Variants in CERS1 observed in about 807,000 individuals in gnomAD.
The protein encoded by CERS1 is ceramide synthase 1.
A neutral mutation model predicts 35.7 loss-of-function variants in CERS1; 16 were observed. That is an observed-to-expected ratio of 0.45 (90% CI 0.30 to 0.68). The LOEUF (loss-of-function observed/expected upper bound fraction) is 0.68. CERS1 is among the 30% of genes least tolerant of loss of function. CERS1 has a pLI of 0.08. For synonymous variants in CERS1, 243 were observed against 201.6 expected, an observed-to-expected ratio of 1.21 and a Z score of -1.74; for missense variants, 454 against 453.9, an observed-to-expected ratio of 1.00 and a Z score of 0.00.
rs368072339 is a variant in CERS1 at position 18,879,306 on chromosome 19, G to C, written c.835C>G (p.Pro279Ala). The change falls in exon 5 of 8, where the codon CCC becomes GCC. Residue 279 changes from proline to alanine, a missense_variant. Physicochemically the swap from Pro to Ala is conservative, Grantham distance 27. Transcript: ENST00000623882. ...HCSLRTVPDIPFYFFFNALLL... is the reference protein window; with the variant it reads ...HCSLRTVPDIAFYFFFNALLL... ...AGCGCATTGAAGAAGAAGTAGAAGG[G>C]GATGTCAGGCACCGTGCGCAGACTG... 49 of 1,612,698 alleles carry C rather than the reference G, an allele frequency of 3.0e-5. No individual in the cohort carries two copies. The Admixed American group carries it at 8.2e-4, about 27-fold the overall frequency.
intron 6 of CERS1, among the ~76,000 whole-genome samples, chr19:18,872,348 CTT>C (rs922807659): frequency 1.3e-5 from 2 of 152,040 alleles, no homozygotes; most frequent in Non-Finnish European, 2.9e-5. Context: ...ATCTTTTTTT[CTT>C]GTTTTGTTTT....
At chr19:18,875,874 G>A (rs996462087) in intron 6 of CERS1, among the ~76,000 whole-genome samples, 9 of 152,202 alleles carry the variant, frequency 5.9e-5, no homozygotes, top group Admixed American at 3.3e-4. Flanking sequence ...GCCACCAGAA[G>A]CCCAAGAGGC....
rs1001474711 is a variant in CERS1, at chr19:18,870,859, GC to G, written c.1011-241del. On this transcript the variant is annotated intron_variant, in intron 6 of 7. Coordinates refer to ENST00000623882, the MANE Select transcript of CERS1 (RefSeq NM_021267.5). The surrounding 1 kb of genome is among the most constrained non-coding windows in gnomAD (Gnocchi z 5.1). Reference sequence around the variant, plus strand: ...CCTGGCACCCTGGCACTTCCTCCTTGCTTCCCCCTCTCCAATTAAACCTTCC... The same window carrying G: ...CCTGGCACCCTGGCACTTCCTCCTTGTTCCCCCTCTCCAATTAAACCTTCC... Among the ~76,000 whole-genome samples the G allele has an allele frequency of 2.0e-5, 3 of 151,102 alleles. No individual in the cohort carries two copies. Among genetic ancestry groups the G allele is most frequent in the Non-Finnish European group, 4.4e-5 (3 of 67,860 alleles).
chr19:18,879,255 G>C lies in CERS1; in HGVS notation c.886C>G (p.Leu296Val). The C allele has an allele frequency of 6.2e-7, 1 of 1,613,664 alleles. No homozygotes were observed. The highest frequency in any genetic ancestry group is 8.5e-7 in the Non-Finnish European group (1 of 1,179,788). Residue 296 changes from leucine to valine, a missense_variant, in exon 5 of 8, where the codon CTC becomes GTC. Transcript: ENST00000623882. ...GGCCGACTCACCAGGAACCAGTAGA[G>C]GTTCATAAGGGTGAGCAGCAGCAGG... ...ALLLLLTLMN[L>V]YWFLYIVAFA...
Position 18,895,866 on chromosome 19 carries a change from GC to G in CERS1, c.206del (p.Gly69AlafsTer226). On this transcript the variant is annotated frameshift_variant, in exon 1 of 8. Coordinates refer to ENST00000623882, the MANE Select transcript of CERS1 (RefSeq NM_021267.5). LOFTEE classifies it high-confidence loss of function. This position sits in a 1 kb window ranked among gnomAD's most constrained non-coding sequence, Gnocchi z 6.4. ...ELLLLALGAL[G>X]WTALRSAATA... ...TGGCCGCGGAGCGCAGGGCGGTCCA[GC>G]CCAGCGCGCCGAGCGCCAGCAGCAG... The G allele has an allele frequency of 7.8e-7, 1 of 1,288,210 alleles. No individual in the cohort carries two copies. The highest frequency in any genetic ancestry group is 2.1e-5 in the South Asian group (1 of 48,404). The allele number at this position is 1,288,210 out of a possible 1,614,324, so 79.8% of individuals were successfully genotyped here. A position where few individuals can be genotyped will look rare whatever the true frequency, so the allele number is the denominator to read the frequency against.
chr19:18,882,307 G>A (rs2056230900), intron 3 of CERS1, among the ~76,000 whole-genome samples: 1 of 152,122 alleles, frequency 6.6e-6, no homozygotes, highest in Non-Finnish European at 1.5e-5. Flanking sequence ...GGCTTGTGTG[G>A]CTGAGGAATG....
Position 18,877,125 on chromosome 19 carries a change from G to A in CERS1, c.1010+1805C>T, listed in dbSNP as rs544846791. Among the ~76,000 whole-genome samples, 3 of 152,330 alleles carry A rather than the reference G, an allele frequency of 2.0e-5. No individual in the cohort carries two copies. In the South Asian group the frequency reaches 6.2e-4, roughly 32 times the overall value. On this transcript the variant is annotated intron_variant, in intron 6 of 7. Coordinates refer to ENST00000623882, the MANE Select transcript of CERS1 (RefSeq NM_021267.5). ...TGGAGAATCGAATTCTGCTGGTGGT[G>A]CCTATGGGATCAATCATCACAGGGT...
rs1226787944 is a variant in CERS1 at position 18,878,004 on chromosome 19, C to T, written c.1010+926G>A. 5.0e-5 allele frequency: 49 copies of T among 985,414 alleles called. No individual in the cohort carries two copies. Among genetic ancestry groups the T allele is most frequent in the Non-Finnish European group, 5.9e-5 (49 of 829,988 alleles). 61.0% of individuals were successfully genotyped at this position (985,414 alleles called of 1,614,324 possible). On this transcript the variant is annotated intron_variant, in intron 6 of 7. Coordinates refer to ENST00000623882, the MANE Select transcript of CERS1 (RefSeq NM_021267.5). The surrounding 1 kb of genome is among the most constrained non-coding windows in gnomAD (Gnocchi z 4.6). ...TCCAAACAGGGTGGGGGGTCTGACGCTCCTCTGCCTGGCTACAGCCCCGGA... is the reference window on the plus strand; with the variant it reads ...TCCAAACAGGGTGGGGGGTCTGACGTTCCTCTGCCTGGCTACAGCCCCGGA...
At chr19:18,887,090 G>A (rs1002323738) in intron 2 of CERS1, among the ~76,000 whole-genome samples, 2 of 152,200 alleles carry the variant, frequency 1.3e-5, no homozygotes, top group African/African-American at 4.8e-5. Flanking sequence ...ACAACCAAAA[G>A]GCAGACACAA....
In CERS1 at chr19:18,893,569, C is replaced by T; in HGVS notation, c.256G>A (p.Ala86Thr). ...CTGGGCTGGAGGCAGCACCGCTTCG[C>T]CAGGGGCTATGGGGGAGAAGACAGG... is the stretch of plus-strand genomic sequence containing the variant. The part of the protein sequence containing the change: ...AATARLFRPL[A>T]KRCCLQPRDA... The change falls in exon 2 of 8, where the codon GCG (alanine) becomes ACG (threonine). Residue 86 changes from alanine (A) to threonine (T), a missense_variant. By Grantham distance (58) the Ala-to-Thr change is moderately conservative (BLOSUM62 0). Coordinates refer to ENST00000623882, the MANE Select transcript of CERS1 (RefSeq NM_021267.5). 1 of 1,608,024 alleles carries T rather than the reference C, an allele frequency of 6.2e-7. No individual in the cohort carries two copies. Among genetic ancestry groups the T allele is most frequent in the Non-Finnish European group, 8.5e-7 (1 of 1,178,022 alleles).
rs373527700 is a variant in CERS1 at position 18,884,094 on chromosome 19, C to T, written c.583G>A (p.Ala195Thr). ...VTLILIVSSY[A>T]FRYHNVGILV... ...ACCCGATCCTGTCCTTACCGGAAGG[C>T]GTAGGAGGAGACGATGAGGATGAGA... Residue 195 changes from alanine to threonine, a missense_variant, in exon 3 of 8, where the codon GCC (alanine) becomes ACC (threonine). Transcript: ENST00000623882. The T allele has an allele frequency of 8.1e-6, 13 of 1,612,678 alleles. No individual in the cohort carries two copies. Among genetic ancestry groups the T allele is most frequent in the South Asian group, 1.1e-5 (1 of 90,874 alleles).
intron 4 of CERS1, among the ~76,000 whole-genome samples, 184 bp downstream of exon 4, chr19:18,880,090 A>G (rs1279055867): frequency 2.9e-5 from 4 of 136,812 alleles, no homozygotes; most frequent in African/African-American, 8.4e-5. Context: ...CCCTTGTCCT[A>G]CTCCTTTCCT....
In CERS1 at chr19:18,869,378, C is replaced by T. The variant is rs2055919088; in HGVS notation, c.*607G>A. On this transcript the variant is annotated 3_prime_UTR_variant, in exon 8 of 8. Coordinates refer to ENST00000623882, the MANE Select transcript of CERS1 (RefSeq NM_021267.5). ...CGCGGCCGAGGCAGGCTCCGAGGCC[C>T]GGGTGGGCGCACCTGGGGAGGTAGG... 6.5e-7 allele frequency: 1 copy of T among 1,529,376 alleles called. No homozygotes were observed. Among genetic ancestry groups the T allele is most frequent in the Non-Finnish European group, 8.7e-7 (1 of 1,144,910 alleles). The allele number at this position is 1,529,376 out of a possible 1,614,324, so 94.7% of individuals were successfully genotyped here.
chr19:18,870,157 C>T lies in CERS1; in HGVS notation c.*420G>A, dbSNP rs1039214872. ...GGAACCGGCCGGAGCCTGGGGGCAC[C>T]CTGGGGCTCATCGCGCAGTCCTAGA... On this transcript the variant is annotated 3_prime_UTR_variant, in exon 7 of 8. Coordinates refer to ENST00000623882, the MANE Select transcript of CERS1 (RefSeq NM_021267.5). The surrounding 1 kb of genome is among the most constrained non-coding windows in gnomAD (Gnocchi z 5.1). 6.4e-7 allele frequency: 1 copy of T among 1,562,646 alleles called. No individual in the cohort carries two copies. Among genetic ancestry groups the T allele is most frequent in the Non-Finnish European group, 8.6e-7 (1 of 1,160,140 alleles).
rs540175924 is a variant in CERS1 at position 18,872,804 on chromosome 19, G to A, written c.1011-2185C>T. 7.3e-5 allele frequency among the ~76,000 whole-genome samples: 11 copies of A among 150,850 alleles called. No homozygotes were observed. The South Asian group carries it at 1.3e-3, about 17-fold the overall frequency. On this transcript the variant is annotated intron_variant, in intron 6 of 7. Coordinates refer to ENST00000623882, the MANE Select transcript of CERS1 (RefSeq NM_021267.5). Reference sequence around the variant, plus strand: ...TGCTGGGATTACAGGCGTGAGCGCCGCGCCTGGCTAATTTTTATATTTTTA... The same window carrying A: ...TGCTGGGATTACAGGCGTGAGCGCCACGCCTGGCTAATTTTTATATTTTTA...
chr19:18,887,783 C>T (rs1352793769), intron 2 of CERS1, among the ~76,000 whole-genome samples: 1 of 151,406 alleles, frequency 6.6e-6, no homozygotes. Flanking sequence ...ATTTATATGG[C>T]AAAAACTTAC....
intron 2 of CERS1, among the ~76,000 whole-genome samples, chr19:18,884,558 C>T (rs1318615666): frequency 6.6e-6 from 1 of 151,846 alleles, no homozygotes; most frequent in Non-Finnish European, 1.5e-5. Context: ...CAGGTGCATG[C>T]CACCAAGCCC....
At position 18,869,312 on chromosome 19, in the gene CERS1, G is replaced by A. The variant is rs944730356; in HGVS notation, c.*673C>T. ...GCTCGGGCGCTCAGCGGGTTCCACA[G>A]CCGACAGGTCGAAGACGACTGTCCA... On this transcript the variant is annotated 3_prime_UTR_variant, in exon 8 of 8. Coordinates refer to ENST00000623882, the MANE Select transcript of CERS1 (RefSeq NM_021267.5). 3.2e-5 allele frequency: 48 copies of A among 1,521,974 alleles called. 1 individual carries two copies. The Admixed American group carries it at 8.4e-4, about 26-fold the overall frequency. 94.3% of individuals were successfully genotyped at this position (1,521,974 alleles called of 1,614,324 possible).
rs764228779 is a variant in CERS1, at chr19:18,884,201, T to C, written c.476A>G (p.Tyr159Cys). 6 of 1,613,338 alleles carry C rather than the reference T, an allele frequency of 3.7e-6. No individual in the cohort carries two copies. The African/African-American group carries it at 4.0e-5, about 11-fold the overall frequency. The change falls in exon 3 of 8, where the codon TAT becomes TGT. Residue 159 changes from tyrosine (Y) to cysteine (C), a missense_variant. Coordinates refer to ENST00000623882, the MANE Select transcript of CERS1 (RefSeq NM_021267.5). ...TAGCGTAGCGTAGATGGAGTGGCCA[T>C]AGAAGCTTCCCTGGAGCAGGTAGGC... is the stretch of plus-strand genomic sequence containing the variant. ...AAAYLLQGSF[Y>C]GHSIYATLYM...
Sources: allele counts gnomAD v4.1 joint callset (sites outside exome capture counted in the v4.1 genomes callset), GRCh38; gene constraint gnomAD v4.1.1; non-coding constraint Gnocchi (gnomAD v3.1); transcripts MANE v1.5; gene names NCBI Gene and HGNC (gene_info 2026-07-23, HGNC 2026-07-21).